Variants in RAB38 observed in about 807,000 individuals in gnomAD.
RAB38 encodes the protein ras-related protein Rab-38.
Under a neutral mutation model 18.4 loss-of-function variants are expected in RAB38, and 15 were observed. The observed-to-expected ratio is 0.82, with a 90% confidence interval of 0.55 to 1.26. RAB38 has a LOEUF of 1.26. Ranked by LOEUF, RAB38 falls within the 50% of genes most tolerant of loss-of-function variation. The pLI, the probability that RAB38 is intolerant of heterozygous loss-of-function variation, is 0.00. For missense variants in RAB38, 294 were observed against 267.4 expected, an observed-to-expected ratio of 1.10 and a Z score of -0.69; for synonymous variants, 101 against 104.4, an observed-to-expected ratio of 0.97 and a Z score of 0.20.
At chr11:87,969,393 C>A in the RAB38 span, among the ~76,000 whole-genome samples, 2 of 152,000 alleles carry the variant, frequency 1.3e-5, no homozygotes, top group Non-Finnish European at 2.9e-5. Flanking sequence ...TAAATTATCA[C>A]GATGAAGGTG....
chr11:87,945,650 G>A, the RAB38 span, among the ~76,000 whole-genome samples: 1 of 152,116 alleles, frequency 6.6e-6, no homozygotes, highest in Non-Finnish European at 1.5e-5. Context: ...AAAATAGGAT[G>A]TCAGAGCTTA....
chr11:88,025,764 G>A, the RAB38 span, among the ~76,000 whole-genome samples: 1 of 152,004 alleles, frequency 6.6e-6, no homozygotes, highest in African/African-American at 2.4e-5. Context: ...TATAGAGTCT[G>A]GATATTAGAC....
the RAB38 span, among the ~76,000 whole-genome samples, chr11:87,879,115 A>G: frequency 1.3e-5 from 2 of 151,558 alleles, no homozygotes; most frequent in South Asian, 2.1e-4. Context: ...TTGTGGAAAT[A>G]TAATTACTTT....
chr11:87,975,890 C>A, the RAB38 span, among the ~76,000 whole-genome samples: 148,535 of 151,546 alleles, frequency 0.98, 72,813 homozygotes, highest in East Asian at 1. Context: ...TCATGAATAA[C>A]ATAGGGTATC....
chr11:88,091,675 A>T, the RAB38 span, among the ~76,000 whole-genome samples: 9 of 151,922 alleles, frequency 5.9e-5, no homozygotes, highest in African/African-American at 1.9e-4. Flanking sequence ...TGCTATCTTC[A>T]TTCCTTTGTA....
At chr11:87,879,105 T>C in the RAB38 span, among the ~76,000 whole-genome samples, 3 of 151,580 alleles carry the variant, frequency 2.0e-5, no homozygotes, top group Admixed American at 6.6e-5. Context: ...TGCTTTTTCA[T>C]TGTGGAAATA....
chr11:87,867,779 T>A, the RAB38 span, among the ~76,000 whole-genome samples: 2 of 151,688 alleles, frequency 1.3e-5, no homozygotes, highest in Admixed American at 1.3e-4. Flanking sequence ...TGAATTACCA[T>A]GGACTCTTAA....
intron 2 of RAB38, among the ~76,000 whole-genome samples, chr11:88,129,773 C>A (rs761869441): frequency 6.6e-6 from 1 of 152,120 alleles, no homozygotes; most frequent in African/African-American, 2.4e-5. Context: ...CAGATACACA[C>A]ATATTTCTTA....
the RAB38 span, among the ~76,000 whole-genome samples, chr11:88,013,878 A>G: frequency 6.6e-6 from 1 of 152,178 alleles, no homozygotes; most frequent in Admixed American, 6.6e-5. Context: ...CACAGTAAAG[A>G]GCACATCGCA....
chr11:88,095,890 T>C, the RAB38 span, among the ~76,000 whole-genome samples: 573 of 151,980 alleles, frequency 3.8e-3, 2 homozygotes, highest in African/African-American at 0.013. Context: ...AGGAAATCGC[T>C]TTGGTTCTGC....
At chr11:88,096,617 G>T in the RAB38 span, among the ~76,000 whole-genome samples, 1 of 151,536 alleles carries the variant, frequency 6.6e-6, no homozygotes, top group Non-Finnish European at 1.5e-5. Flanking sequence ...GTTGATAAAT[G>T]AGTTATATTT....
the RAB38 span, among the ~76,000 whole-genome samples, chr11:88,067,276 CACA>C: frequency 6.7e-6 from 1 of 150,324 alleles, no homozygotes; most frequent in Admixed American, 6.7e-5. Flanking sequence ...GTTAGCATTA[CACA>C]ACAAGTTTAC....
chr11:88,152,664 T>G (rs1943077868), intron 1 of RAB38, among the ~76,000 whole-genome samples: 1 of 152,214 alleles, frequency 6.6e-6, no homozygotes, highest in Admixed American at 6.5e-5. Flanking sequence ...TTGCTCTTTC[T>G]TATTCAAAGA....
chr11:87,973,597 G>A, the RAB38 span, among the ~76,000 whole-genome samples: 1 of 144,840 alleles, frequency 6.9e-6, no homozygotes, highest in East Asian at 1.9e-4. Context: ...TGAAATGGCT[G>A]AAATTTTGGT....
the RAB38 span, among the ~76,000 whole-genome samples, chr11:88,003,842 T>A: frequency 0.25 from 26 of 102 alleles, no homozygotes; most frequent in Admixed American, 0.5. Flanking sequence ...TAATATATAT[T>A]TATATATATA....
chr11:87,810,546 A>T, the RAB38 span, among the ~76,000 whole-genome samples: 10 of 152,350 alleles, frequency 6.6e-5, no homozygotes, highest in South Asian at 1.9e-3. Context: ...CAGTAAAAAA[A>T]TAAGGAAGAA....
the RAB38 span, among the ~76,000 whole-genome samples, chr11:87,954,474 AAG>A: frequency 6.6e-6 from 1 of 152,024 alleles, no homozygotes; most frequent in Non-Finnish European, 1.5e-5. Context: ...AAGATAGAAA[AAG>A]AAAGATTTTC....
At chr11:88,046,630 T>C in the RAB38 span, among the ~76,000 whole-genome samples, 3 of 152,176 alleles carry the variant, frequency 2.0e-5, no homozygotes, top group Non-Finnish European at 2.9e-5. Context: ...ATAATTCTCA[T>C]AAAAACACAT....
At chr11:87,806,385 G>A in the RAB38 span, among the ~76,000 whole-genome samples, 53 of 152,176 alleles carry the variant, frequency 3.5e-4, no homozygotes, top group East Asian at 7.2e-3. Context: ...ATCCTCATAC[G>A]ATGAAAGAGC....
Sources: gnomAD v4.1 joint callset for allele counts (sites outside exome capture counted in the v4.1 genomes callset) on GRCh38, gnomAD v4.1.1 for gene constraint, MANE v1.5 for transcripts, NCBI Gene and HGNC (gene_info 2026-07-23, HGNC 2026-07-21) for gene names.